The following AKAP6 variants were observed in gnomAD, a reference collection of about 807,000 sequenced individuals.
AKAP6 encodes A-kinase anchoring protein 6.
A neutral mutation model predicts 188.5 loss-of-function variants in AKAP6; 58 were observed. The observed-to-expected ratio is 0.31, with a 90% CI of 0.25 to 0.38. The LOEUF (loss-of-function observed/expected upper bound fraction) is 0.38. Among genes scored for constraint, AKAP6 ranks in the 10% least tolerant of loss-of-function variants. The pLI, the probability that AKAP6 is intolerant of heterozygous loss-of-function variation, is 1.00. For synonymous variants in AKAP6, 989 were observed against 998.6 expected (o/e 0.99, Z 0.18); for missense variants, 2,710 against 2,740.0 (o/e 0.99, Z 0.24).
At chr14:32,561,953 C>T (rs1216466678) in intron 4 of AKAP6, among the ~76,000 whole-genome samples, 1 of 152,190 alleles carries the variant, frequency 6.6e-6, no homozygotes, top group Non-Finnish European at 1.5e-5. Flanking sequence ...AGTGTGGGTT[C>T]TGTTTCAAGG....
intron 9 of AKAP6, among the ~76,000 whole-genome samples, chr14:32,722,098 T>G (rs2030569103): frequency 6.6e-6 from 1 of 152,216 alleles, no homozygotes; most frequent in Non-Finnish European, 1.5e-5. Context: ...ATTCAAAATC[T>G]TCTAACATGT....
At chr14:32,706,361 C>T (rs569205719) in intron 9 of AKAP6, among the ~76,000 whole-genome samples, 69 of 152,236 alleles carry the variant, frequency 4.5e-4, no homozygotes, top group African/African-American at 1.6e-3. Context: ...TCTTAAGCAC[C>T]TCAATACCCT....
chr14:32,609,046 A>G (rs775734009), intron 7 of AKAP6, among the ~76,000 whole-genome samples: 1 of 152,070 alleles, frequency 6.6e-6, no homozygotes, highest in Non-Finnish European at 1.5e-5. Context: ...TGTTTCTGGC[A>G]GGGGAGCAGG....
chr14:32,343,606 G>A (rs1886962232), intron 1 of AKAP6, among the ~76,000 whole-genome samples: 1 of 151,782 alleles, frequency 6.6e-6, no homozygotes, highest in Non-Finnish European at 1.5e-5. Context: ...AAATTAGCCA[G>A]GCATGATGGC....
chr14:32,514,794 G>T (rs1220418646), intron 2 of AKAP6, among the ~76,000 whole-genome samples: 1 of 152,160 alleles, frequency 6.6e-6, no homozygotes, highest in East Asian at 1.9e-4. Context: ...CTCTTGCCTG[G>T]GAAAGGATAA....
chr14:32,564,596 G>T (rs1238990380), intron 4 of AKAP6, among the ~76,000 whole-genome samples: 1 of 152,166 alleles, frequency 6.6e-6, no homozygotes, highest in African/African-American at 2.4e-5. Flanking sequence ...AGACTCCAAA[G>T]ATCAGTTCCC....
chr14:32,366,146 C>G (rs1429037626), intron 1 of AKAP6, among the ~76,000 whole-genome samples: 1 of 152,128 alleles, frequency 6.6e-6, no homozygotes, highest in East Asian at 1.9e-4. Flanking sequence ...TCTTTCCTAC[C>G]CTTCCTTGTT....
chr14:32,728,354 C>CTATCTATT (rs1177959125), intron 9 of AKAP6, among the ~76,000 whole-genome samples: 2 of 88,536 alleles, frequency 2.3e-5, no homozygotes, highest in East Asian at 6.2e-4. Flanking sequence ...TGTATTCTAT[C>CTATCTATT]TATCTATCTA....
At chr14:32,424,006 TTCTC>T (rs1162241752) in intron 1 of AKAP6, among the ~76,000 whole-genome samples, 1 of 152,186 alleles carries the variant, frequency 6.6e-6, no homozygotes, top group African/African-American at 2.4e-5. Flanking sequence ...TTCATTCTCT[TTCTC>T]TATCTTTTCT....
intron 12 of AKAP6, among the ~76,000 whole-genome samples, chr14:32,809,697 G>A (rs1057035231): frequency 6.6e-6 from 1 of 152,188 alleles, no homozygotes; most frequent in Non-Finnish European, 1.5e-5. Context: ...ATTTGGTGGG[G>A]TTGGGAGCAG....
At chr14:32,456,172 C>T (rs1172919924) in intron 2 of AKAP6, among the ~76,000 whole-genome samples, 17 of 151,748 alleles carry the variant, frequency 1.1e-4, no homozygotes, top group Admixed American at 1.1e-3. Context: ...GTGCTAATAC[C>T]GATGGGATCC....
chr14:32,807,753 A>G (rs1423818829), intron 12 of AKAP6, among the ~76,000 whole-genome samples: 1 of 152,266 alleles, frequency 6.6e-6, no homozygotes, highest in South Asian at 2.1e-4. Flanking sequence ...ATAGAAAAGA[A>G]GTAGACTTTC....
chr14:32,769,757 C>A (rs1158002370), intron 11 of AKAP6, among the ~76,000 whole-genome samples: 2 of 151,338 alleles, frequency 1.3e-5, no homozygotes, highest in East Asian at 1.9e-4. Flanking sequence ...TATTATTTTC[C>A]TTCTCATCTC....
intron 3 of AKAP6, among the ~76,000 whole-genome samples, chr14:32,542,886 T>C (rs1883021952): frequency 2.6e-5 from 4 of 152,364 alleles, no homozygotes; most frequent in Non-Finnish European, 5.9e-5. Context: ...TATCTTTGCA[T>C]TGAAGTGTGT....
At chr14:32,698,610 A>T (rs1159794254) in intron 9 of AKAP6, among the ~76,000 whole-genome samples, 1 of 152,082 alleles carries the variant, frequency 6.6e-6, no homozygotes, top group Non-Finnish European at 1.5e-5. Context: ...ACTCATTGTG[A>T]CAACTCAACG....
chr14:32,708,513 G>A (rs1173128924), intron 9 of AKAP6, among the ~76,000 whole-genome samples: 1 of 152,000 alleles, frequency 6.6e-6, no homozygotes, highest in Non-Finnish European at 1.5e-5. Flanking sequence ...AAAATTAAAT[G>A]TCACTGCTCT....
chr14:32,557,175 T>C (rs1472147774), intron 4 of AKAP6, among the ~76,000 whole-genome samples: 2 of 152,168 alleles, frequency 1.3e-5, no homozygotes, highest in African/African-American at 2.4e-5. Context: ...AGTCTCCACC[T>C]CCTGGAGCTT....
At chr14:32,512,364 A>G (rs532993188) in intron 2 of AKAP6, among the ~76,000 whole-genome samples, 10 of 152,314 alleles carry the variant, frequency 6.6e-5, no homozygotes, top group Admixed American at 1.3e-4. Flanking sequence ...CTAAGTAAGC[A>G]ATGAGTTTAA....
chr14:32,807,289 G>A (rs368332793), intron 12 of AKAP6, among the ~76,000 whole-genome samples: 10 of 148,490 alleles, frequency 6.7e-5, no homozygotes, highest in African/African-American at 2.5e-4. Context: ...CTGCACCACT[G>A]CACTCCATCC....
Sources: gnomAD v4.1 joint callset for allele counts (sites outside exome capture counted in the v4.1 genomes callset) on GRCh38, gnomAD v4.1.1 for gene constraint, MANE v1.5 for transcripts, NCBI Gene and HGNC (gene_info 2026-07-23, HGNC 2026-07-21) for gene names.